Variants in ARID1B observed in about 807,000 individuals in gnomAD.
ARID1B encodes AT-rich interactive domain-containing protein 1B.
Under a neutral mutation model 212.3 loss-of-function variants are expected in ARID1B, and 30 were observed. The observed-to-expected ratio is 0.14, with a 90% CI of 0.11 to 0.19. ARID1B has a LOEUF of 0.19. Ranked by LOEUF, ARID1B falls within the 10% of genes least tolerant of loss-of-function variation. The pLI is 1.00. For synonymous variants in ARID1B, 1,402 were observed against 1,301.7 expected, an observed-to-expected ratio of 1.08 and a Z score of -1.66; for missense variants, 2,891 against 3,204.0, an observed-to-expected ratio of 0.90 and a Z score of 2.36.
chr6:156,952,810 A>G (rs143662466), intron 4 of ARID1B, among the ~76,000 whole-genome samples: 2 of 152,360 alleles, frequency 1.3e-5, no homozygotes, highest in African/African-American at 2.4e-5. Context: ...TTGTAAAACA[A>G]TAATATTGTA....
At chr6:157,066,288 A>G (rs1783672181) in intron 4 of ARID1B, among the ~76,000 whole-genome samples, 1 of 152,230 alleles carries the variant, frequency 6.6e-6, no homozygotes, top group African/African-American at 2.4e-5. Context: ...TCAGTTACTC[A>G]AGAGTTACCC....
chr6:157,177,976 A>G (rs1382315783), intron 11 of ARID1B, among the ~76,000 whole-genome samples: 1 of 152,220 alleles, frequency 6.6e-6, no homozygotes, highest in East Asian at 1.9e-4. Flanking sequence ...GATGAGAGTG[A>G]TAACGTACAT....
intron 1 of ARID1B, among the ~76,000 whole-genome samples, chr6:156,783,821 G>A (rs939536780): frequency 2.6e-5 from 4 of 152,128 alleles, no homozygotes; most frequent in African/African-American, 9.7e-5. Flanking sequence ...GCTCTACACT[G>A]GACTGACACT....
chr6:156,847,077 C>T (rs1225836730), intron 2 of ARID1B, among the ~76,000 whole-genome samples: 2 of 151,930 alleles, frequency 1.3e-5, no homozygotes, highest in Non-Finnish European at 2.9e-5. Flanking sequence ...TTAATGGGGT[C>T]CCATGGAAGA....
At chr6:157,034,405 T>C (rs945132323) in intron 4 of ARID1B, among the ~76,000 whole-genome samples, 5 of 152,222 alleles carry the variant, frequency 3.3e-5, no homozygotes, top group East Asian at 1.9e-4. Flanking sequence ...AGTCTTTCCA[T>C]TGAGAATTTC....
At chr6:156,799,308 C>A (rs1454320389) in intron 1 of ARID1B, among the ~76,000 whole-genome samples, 1 of 152,232 alleles carries the variant, frequency 6.6e-6, no homozygotes, top group African/African-American at 2.4e-5. Context: ...GCGAGTGGCA[C>A]AGCTGCAGTT....
At chr6:156,856,856 G>GA (rs1245683847) in intron 2 of ARID1B, among the ~76,000 whole-genome samples, 29 of 150,430 alleles carry the variant, frequency 1.9e-4, no homozygotes, top group Non-Finnish European at 4.0e-4. Flanking sequence ...AAATTTGGGG[G>GA]AAAAACTAGA....
intron 5 of ARID1B, among the ~76,000 whole-genome samples, chr6:157,086,389 T>G (rs544903692): frequency 2.8e-4 from 43 of 152,362 alleles, no homozygotes. Flanking sequence ...ATGAATACTC[T>G]GTAGTCTAGA....
chr6:156,973,076 C>T (rs913283844), intron 4 of ARID1B, among the ~76,000 whole-genome samples: 2 of 152,178 alleles, frequency 1.3e-5, no homozygotes, highest in African/African-American at 4.8e-5. Context: ...AGTCTCACAT[C>T]ATATAAGCAA....
At chr6:157,181,552 A>G (rs368929815) in intron 12 of ARID1B, among the ~76,000 whole-genome samples, 4 of 152,262 alleles carry the variant, frequency 2.6e-5, no homozygotes, top group Admixed American at 6.5e-5. Context: ...TGTGTCAGAT[A>G]TAAGTCACAT....
intron 7 of ARID1B, among the ~76,000 whole-genome samples, chr6:157,135,695 A>G (rs1395911932): frequency 6.6e-6 from 1 of 152,216 alleles, no homozygotes; most frequent in African/African-American, 2.4e-5. Flanking sequence ...GCAACAGGAG[A>G]TCACATTTGC....
chr6:156,897,938 G>T (rs1031018165), intron 2 of ARID1B, among the ~76,000 whole-genome samples: 1 of 152,166 alleles, frequency 6.6e-6, no homozygotes, highest in African/African-American at 2.4e-5. Flanking sequence ...ACAGATGTTT[G>T]TTGACGCTCA....
At chr6:156,866,877 A>C (rs1054938340) in intron 2 of ARID1B, among the ~76,000 whole-genome samples, 2 of 152,166 alleles carry the variant, frequency 1.3e-5, no homozygotes, top group African/African-American at 4.8e-5. Context: ...AACGTTGAAA[A>C]ACTCAGTTGA....
intron 4 of ARID1B, among the ~76,000 whole-genome samples, chr6:156,949,996 AATT>A (rs1415612551): frequency 8.5e-5 from 13 of 152,364 alleles, no homozygotes; most frequent in African/African-American, 2.6e-4. Flanking sequence ...CCTTAGGAAT[AATT>A]ATAGGTGTAT....
chr6:157,137,565 G>A (rs1789023904), intron 7 of ARID1B, among the ~76,000 whole-genome samples: 1 of 152,172 alleles, frequency 6.6e-6, no homozygotes. Flanking sequence ...TTCTCTAGAG[G>A]AATGTCTATC....
chr6:156,866,234 G>A (rs2128135750), intron 2 of ARID1B, among the ~76,000 whole-genome samples: 1 of 152,296 alleles, frequency 6.6e-6, no homozygotes, highest in South Asian at 2.1e-4. Flanking sequence ...CAGTGGTTCT[G>A]AGGAGCCCCT....
intron 4 of ARID1B, among the ~76,000 whole-genome samples, chr6:157,065,879 A>G (rs1377463215): frequency 6.6e-6 from 1 of 152,218 alleles, no homozygotes; most frequent in East Asian, 1.9e-4. Flanking sequence ...ATACAGGGAC[A>G]TGCACAAATT....
intron 2 of ARID1B, among the ~76,000 whole-genome samples, chr6:156,843,665 T>A (rs1271428387): frequency 6.6e-6 from 1 of 152,236 alleles, no homozygotes; most frequent in Non-Finnish European, 1.5e-5. Flanking sequence ...TACTAAATTT[T>A]AAAAATTGGT....
At chr6:157,138,115 G>A (rs529532767) in intron 7 of ARID1B, among the ~76,000 whole-genome samples, 5 of 152,274 alleles carry the variant, frequency 3.3e-5, no homozygotes, top group South Asian at 2.1e-4. Flanking sequence ...TGGGGCCCCT[G>A]GCTACTTGTG....
Sources: gnomAD v4.1 joint callset for allele counts (sites outside exome capture counted in the v4.1 genomes callset) on GRCh38, gnomAD v4.1.1 for gene constraint, MANE v1.5 for transcripts, NCBI Gene and HGNC (gene_info 2026-07-23, HGNC 2026-07-21) for gene names.